The following MYO1D variants were observed in gnomAD, a reference collection of about 807,000 sequenced individuals.
MYO1D encodes unconventional myosin-Id.
A neutral mutation model predicts 122.0 loss-of-function variants in MYO1D; 83 were observed. The ratio of observed to expected loss-of-function variants is 0.68; its 90% CI spans 0.57 to 0.82. The LOEUF is 0.82. Ranked by LOEUF, MYO1D falls within the 40% of genes least tolerant of loss-of-function variation. The probability of loss-of-function intolerance (pLI) is 0.00; values close to 1 mark genes in which losing one functional copy is unlikely to be tolerated. For missense variants in MYO1D, 1,157 were observed against 1,269.5 expected, an observed-to-expected ratio of 0.91 and a Z score of 1.35; for synonymous variants, 464 against 446.9, an observed-to-expected ratio of 1.04 and a Z score of -0.48.
Position 32,493,968 on chromosome 17 carries a change from T to TC in MYO1D, c.*790_*791insG, listed in dbSNP as rs1376179218. ...CTGACCCAAGTGTGGTGACAGCAGGTATCTGATTAGCAACCCTGCAAACGG... is the reference window on the plus strand; with the variant it reads ...CTGACCCAAGTGTGGTGACAGCAGGTCATCTGATTAGCAACCCTGCAAACGG... On this transcript the variant is annotated 3_prime_UTR_variant, in exon 22 of 22. Coordinates refer to ENST00000318217, the MANE Select transcript of MYO1D (RefSeq NM_015194.3). 1.3e-5 allele frequency: 2 copies of TC among 152,234 alleles called. No homozygotes were observed. Among genetic ancestry groups the TC allele is most frequent in the African/African-American group, 4.8e-5 (2 of 41,436 alleles). 9.4% of individuals were successfully genotyped at this position (152,234 alleles called of 1,614,324 possible). A position where few individuals can be genotyped will look rare whatever the true frequency, so the allele number is the denominator to read the frequency against.
At chr17:32,857,584 C>CA (rs563112277) in intron 1 of MYO1D, among the ~76,000 whole-genome samples, 40,108 of 107,576 alleles carry the variant, frequency 0.37, 6,691 homozygotes, top group East Asian at 0.69. Flanking sequence ...GACTCCACCT[C>CA]AAAAAAAAAA....
chr17:32,501,479 T>C (rs1015810857), intron 21 of MYO1D, among the ~76,000 whole-genome samples: 8 of 152,208 alleles, frequency 5.3e-5, no homozygotes, highest in African/African-American at 1.9e-4. Flanking sequence ...AAGATCTGAA[T>C]GGACAGGCCT....
chr17:32,829,241 A>G (rs772177538), intron 1 of MYO1D, among the ~76,000 whole-genome samples: 5 of 152,204 alleles, frequency 3.3e-5, no homozygotes, highest in Non-Finnish European at 7.3e-5. Flanking sequence ...AGGTCTTCTC[A>G]GGGTGCTTTC....
intron 20 of MYO1D, among the ~76,000 whole-genome samples, chr17:32,608,253 A>T (rs570296837): frequency 6.6e-6 from 1 of 152,384 alleles, no homozygotes; most frequent in African/African-American, 2.4e-5. Flanking sequence ...AAGGACTTGT[A>T]TTTAGAATCT....
At chr17:32,689,839 C>CTCCCCTTT (rs1475497579) in intron 16 of MYO1D, among the ~76,000 whole-genome samples, 3 of 152,000 alleles carry the variant, frequency 2.0e-5, no homozygotes, top group Non-Finnish European at 4.4e-5. Flanking sequence ...CTGCCTCAGC[C>CTCCCCTTT]TCCCGAGTAG....
At chr17:32,658,734 A>C (rs982367065) in intron 17 of MYO1D, 2 of 202,754 alleles carry the variant, frequency 9.9e-6, no homozygotes, top group African/African-American at 4.7e-5. Context: ...TGTTATTCTA[A>C]GGTGCAGCAG....
Position 32,711,902 on chromosome 17 carries a change from T to C in MYO1D, c.2121+86A>G. On this transcript the variant is annotated intron_variant, in intron 16 of 21. Transcript: ENST00000318217. ...CATAAAACAACATATCTTCCAGGAA[T>C]ATTTCTTGAATTAAAGAAAATATGC... The C allele has an allele frequency of 3.6e-6, 4 of 1,113,806 alleles. No homozygotes were observed. In the South Asian group the frequency reaches 4.6e-5, roughly 13 times the overall value. 69.0% of individuals were successfully genotyped at this position (1,113,806 alleles called of 1,614,324 possible).
chr17:32,587,512 C>T (rs1293031318), intron 21 of MYO1D, among the ~76,000 whole-genome samples: 2 of 104,232 alleles, frequency 1.9e-5, no homozygotes, highest in Non-Finnish European at 4.0e-5. Context: ...AACTCCGTTT[C>T]AAAAAAAAAA....
chr17:32,651,465 A>G (rs2088387072), intron 19 of MYO1D, among the ~76,000 whole-genome samples: 1 of 152,142 alleles, frequency 6.6e-6, no homozygotes, highest in African/African-American at 2.4e-5. Flanking sequence ...GTCTTTGTCT[A>G]CTGGGCTCTG....
chr17:32,576,823 A>AT (rs987969698), intron 21 of MYO1D, among the ~76,000 whole-genome samples: 1 of 152,164 alleles, frequency 6.6e-6, no homozygotes, highest in Non-Finnish European at 1.5e-5. Flanking sequence ...TGCCCAGCTA[A>AT]TTTTTTATTT....
chr17:32,626,157 C>T (rs749616584), intron 20 of MYO1D, among the ~76,000 whole-genome samples: 7 of 152,220 alleles, frequency 4.6e-5, no homozygotes, highest in Non-Finnish European at 8.8e-5. Context: ...GCAGAGGCTA[C>T]GTGATGTATG....
In MYO1D at chr17:32,768,192, C is replaced by T. The variant is rs147006526; in HGVS notation, c.715-440G>A. The stretch of plus-strand genomic sequence containing the variant: ...TAGGCTGGCAACAACACTTCACTCT[C>T]GTATAATCAGGCGGTTTATTTTCCA... On this transcript the variant is annotated intron_variant, in intron 6 of 21. Transcript: ENST00000318217. Among the ~76,000 whole-genome samples the T allele has an allele frequency of 1.0e-3, 159 of 152,348 alleles. 2 individuals are homozygous for T. Among genetic ancestry groups the T allele is most frequent in the Admixed American group, 2.6e-3 (40 of 15,306 alleles).
chr17:32,532,679 T>C (rs1255958187), intron 21 of MYO1D, among the ~76,000 whole-genome samples: 1 of 147,000 alleles, frequency 6.8e-6, no homozygotes, highest in Non-Finnish European at 1.5e-5. Flanking sequence ...TAAGCCGAGA[T>C]TGCCACTGCA....
At position 32,755,558 on chromosome 17, in the gene MYO1D, G is replaced by A. The variant is rs976829914; in HGVS notation, c.1401C>T (p.Thr467=). 18 of 1,613,800 alleles carry A rather than the reference G, an allele frequency of 1.1e-5. No homozygotes were observed. The highest frequency in any genetic ancestry group is 6.7e-5 in the African/African-American group (5 of 74,888). Residue 467 remains threonine, a synonymous_variant, in exon 11 of 22, where the codon ACC becomes ACT. Coordinates refer to ENST00000318217, the MANE Select transcript of MYO1D (RefSeq NM_015194.3). ...TAAGTGCTTCAAGAAACATTTCATC[G>A]GTGACTTTGCCGACATTCATGCAAG... is the stretch of plus-strand genomic sequence containing the variant. ...DDACMNVGKV[T]DEMFLEALNS... is the part of the protein sequence containing the mutation.
chr17:32,845,771 C>A (rs1009350349), intron 1 of MYO1D, among the ~76,000 whole-genome samples: 2 of 152,176 alleles, frequency 1.3e-5, no homozygotes, highest in Non-Finnish European at 2.9e-5. Flanking sequence ...TTGGATAGTA[C>A]GGTACAGAAT....
At chr17:32,764,825 C>T (rs549402868) in intron 8 of MYO1D, 53 bp downstream of exon 8, 5 of 1,574,792 alleles carry the variant, frequency 3.2e-6, no homozygotes, top group African/African-American at 1.4e-5. Context: ...GGATTTCACT[C>T]AATTTGCAAC....
chr17:32,628,600 G>A (rs140161627), intron 20 of MYO1D, among the ~76,000 whole-genome samples: 6 of 152,278 alleles, frequency 3.9e-5, no homozygotes, highest in Non-Finnish European at 8.8e-5. Context: ...ACCAACTAAT[G>A]ACAAAGAGTG....
intron 21 of MYO1D, among the ~76,000 whole-genome samples, chr17:32,599,882 A>C (rs2087542839): frequency 6.6e-6 from 1 of 152,186 alleles, no homozygotes; most frequent in African/African-American, 2.4e-5. Flanking sequence ...CAAACTCCTG[A>C]CCTCAGGTGA....
At chr17:32,605,352 T>A in intron 20 of MYO1D, 111 bp from the exon 21 acceptor site, 1 of 988,920 alleles carries the variant, frequency 1.0e-6, no homozygotes, top group South Asian at 2.5e-5. Context: ...CCCAGCTACT[T>A]GGGAGGCTGA....
Sources: allele counts gnomAD v4.1 joint callset (sites outside exome capture counted in the v4.1 genomes callset), GRCh38; gene constraint gnomAD v4.1.1; transcripts MANE v1.5; gene names NCBI Gene and HGNC (gene_info 2026-07-23, HGNC 2026-07-21).